HS6ST2: variants seen among roughly 807,000 people sequenced by gnomAD.
The protein encoded by HS6ST2 is heparan-sulfate 6-O-sulfotransferase 2.
In HS6ST2, 17 loss-of-function variants were observed where a neutral mutation model predicts 33.0. The ratio of observed to expected loss-of-function variants is 0.52; its 90% CI spans 0.35 to 0.77. The LOEUF (loss-of-function observed/expected upper bound fraction) is 0.77, where lower values mean the gene tolerates loss of function less well. Among genes scored for constraint, HS6ST2 ranks in the 30% least tolerant of loss-of-function variants. HS6ST2 has a pLI of 0.01. For synonymous variants in HS6ST2, 248 were observed against 237.1 expected, an observed-to-expected ratio of 1.05 and a Z score of -0.42; for missense variants, 519 against 551.7, an observed-to-expected ratio of 0.94 and a Z score of 0.59.
chrX:132,850,741 C>CACACACAA (rs1322794987), intron 2 of HS6ST2, among the ~76,000 whole-genome samples: 1 of 110,816 alleles, frequency 9.0e-6, no homozygotes, highest in Non-Finnish European at 1.9e-5. Context: ...TACACACACA[C>CACACACAA]ACACACACGC....
At chrX:132,946,444 A>G (rs920451708) in intron 2 of HS6ST2, among the ~76,000 whole-genome samples, 2 of 112,321 alleles carry the variant, frequency 1.8e-5, no homozygotes, top group African/African-American at 6.5e-5. Context: ...AGCCATAAAA[A>G]GGATGAGTTC....
Position 132,636,327 on chromosome X carries a change from C to A in HS6ST2, c.1068-7234G>T, listed in dbSNP as rs1040020125. On this transcript the variant is annotated intron_variant, in intron 4 of 4. Transcript: ENST00000370833. Reference sequence around the variant, plus strand: ...ATACCATTTTATACCTGTAATGGAGCATTTTAAGGAGATGTAGCTGTGAAG... The same window carrying A: ...ATACCATTTTATACCTGTAATGGAGAATTTTAAGGAGATGTAGCTGTGAAG... 2.7e-5 allele frequency among the ~76,000 whole-genome samples: 3 copies of A among 111,615 alleles called. No homozygotes were observed. In the Admixed American group the frequency reaches 2.9e-4, roughly 11 times the overall value.
At chrX:132,876,839 C>G (rs1285153153) in intron 2 of HS6ST2, among the ~76,000 whole-genome samples, 11 of 112,104 alleles carry the variant, frequency 9.8e-5, no homozygotes, top group Non-Finnish European at 1.9e-4. Context: ...ATACAGATAA[C>G]ACCTTCAAGT....
chrX:132,695,250 G>A (rs751851879), intron 3 of HS6ST2, among the ~76,000 whole-genome samples: 5 of 111,803 alleles, frequency 4.5e-5, no homozygotes, highest in Non-Finnish European at 9.4e-5. Context: ...TCCTGGAAGA[G>A]TAAGGCTTCC....
At chrX:132,912,694 T>A (rs932671064) in intron 2 of HS6ST2, among the ~76,000 whole-genome samples, 10 of 112,176 alleles carry the variant, frequency 8.9e-5, no homozygotes, top group African/African-American at 2.6e-4. Context: ...TGGGGCTCTA[T>A]TCTGCTTTTG....
chrX:132,792,734 T>G (rs935939565), intron 2 of HS6ST2, among the ~76,000 whole-genome samples: 16 of 112,001 alleles, frequency 1.4e-4, no homozygotes, highest in Non-Finnish European at 3.0e-4. Context: ...TAATATTTCA[T>G]ATAAATGGAA....
rs2063487892 is a variant in HS6ST2, at chrX:132,627,552, A to C, written c.*671T>G. 8.9e-6 allele frequency: 1 copy of C among 112,640 alleles called. No homozygotes were observed. The allele number at this position is 112,640 out of a possible 1,213,427, so 9.3% of individuals were successfully genotyped here. Reference sequence around the variant, plus strand: ...GAGATACACCCTGTGTAAAACCTTTAAACAGTAGAAGGTAGAAAAAGTTTA... The same window carrying C: ...GAGATACACCCTGTGTAAAACCTTTCAACAGTAGAAGGTAGAAAAAGTTTA... On this transcript the variant is annotated 3_prime_UTR_variant, in exon 5 of 5. Transcript: ENST00000370833.
intron 2 of HS6ST2, among the ~76,000 whole-genome samples, chrX:132,858,432 C>T (rs768364867): frequency 8.9e-6 from 1 of 112,187 alleles, no homozygotes; most frequent in Non-Finnish European, 1.9e-5. Context: ...TTTCAAAGTG[C>T]TTTCAGTTTG....
In HS6ST2 at chrX:132,806,421, G is replaced by A. The variant is rs1347649360; in HGVS notation, c.948-97927C>T. ...AATCACTCTCCACACAGAAACACAC[G>A]CAGTCAGAGTTTTGGAATAACAGTG... On this transcript the variant is annotated intron_variant, in intron 2 of 4. Transcript: ENST00000370833. Among the ~76,000 whole-genome samples, 2 of 109,130 alleles carry A rather than the reference G, an allele frequency of 1.8e-5. 1 individual carries two copies. Among genetic ancestry groups the A allele is most frequent in the Non-Finnish European group, 3.9e-5 (2 of 51,914 alleles). The allele number at this position is 109,130 out of a possible 115,157, so 94.8% of individuals were successfully genotyped here.
chrX:132,787,182 TATATAC>T lies in HS6ST2; in HGVS notation c.948-78694_948-78689del, dbSNP rs1205191553. Among the ~76,000 whole-genome samples the T allele has an allele frequency of 0.01, 824 of 81,749 alleles. 27 individuals are homozygous for T. In the East Asian group the frequency reaches 0.11, roughly 11 times the overall value. The allele number at this position is 81,749 out of a possible 115,157, so 71.0% of individuals were successfully genotyped here. On this transcript the variant is annotated intron_variant, in intron 2 of 4. Coordinates refer to ENST00000370833, the MANE Select transcript of HS6ST2 (RefSeq NM_001394073.1). ...ATATATATATGTATATATATATATA[TATATAC>T]ATATATATATACACATATATATATA... is the stretch of plus-strand genomic sequence containing the variant.
intron 2 of HS6ST2, among the ~76,000 whole-genome samples, chrX:132,809,304 T>C (rs1569493377): frequency 8.9e-6 from 1 of 112,448 alleles, no homozygotes; most frequent in South Asian, 3.7e-4. Context: ...ATTCATTTTT[T>C]AAACAAGCCC....
intron 3 of HS6ST2, among the ~76,000 whole-genome samples, chrX:132,674,401 T>C (rs1173324017): frequency 8.9e-6 from 1 of 111,957 alleles, no homozygotes; most frequent in Non-Finnish European, 1.9e-5. Context: ...AGGTAAACCA[T>C]TCACAATGAA....
intron 2 of HS6ST2, among the ~76,000 whole-genome samples, chrX:132,911,137 G>A (rs1334029135): frequency 6.5e-5 from 5 of 76,481 alleles, no homozygotes; most frequent in Non-Finnish European, 9.7e-5. Context: ...GTGACAGAGC[G>A]AGACGCTATC....
intron 2 of HS6ST2, among the ~76,000 whole-genome samples, chrX:132,773,194 A>C (rs1394845805): frequency 3.9e-5 from 4 of 101,554 alleles, no homozygotes; most frequent in Non-Finnish European, 7.8e-5. Flanking sequence ...CATATTATAA[A>C]TATGTAATAT....
chrX:132,850,068 A>G (rs1223777671), intron 2 of HS6ST2, among the ~76,000 whole-genome samples: 1 of 112,432 alleles, frequency 8.9e-6, no homozygotes, highest in Non-Finnish European at 1.9e-5. Context: ...TTTCTACATC[A>G]AGATGAGTTG....
chrX:132,958,673 C>T, upstream of HS6ST2: 1 of 977,220 alleles, frequency 1.0e-6, no homozygotes. Flanking sequence ...ATGCCTCACG[C>T]CTAAGAGCTC....
chrX:132,708,603 A>C (rs1464567578), intron 2 of HS6ST2, 109 bp from the exon 3 acceptor site: 3 of 684,433 alleles, frequency 4.4e-6, no homozygotes, highest in Non-Finnish European at 4.5e-6. Context: ...CCAGCTTCCC[A>C]AACCTTAGGG....
chrX:132,634,167 C>A (rs181236502), intron 4 of HS6ST2, among the ~76,000 whole-genome samples: 1 of 112,303 alleles, frequency 8.9e-6, no homozygotes, highest in Admixed American at 9.4e-5. Flanking sequence ...ATATCTTCAC[C>A]ATACTTTCCT....
intron 2 of HS6ST2, among the ~76,000 whole-genome samples, chrX:132,954,975 C>T (rs151216336): frequency 0.011 from 1,282 of 111,732 alleles, 8 homozygotes; most frequent in South Asian, 0.053. Flanking sequence ...ATACTCTGAC[C>T]TACATGTTCA....
Sources: gnomAD v4.1 joint callset for allele counts (sites outside exome capture counted in the v4.1 genomes callset) on GRCh38, gnomAD v4.1.1 for gene constraint, MANE v1.5 for transcripts, NCBI Gene and HGNC (gene_info 2026-07-23, HGNC 2026-07-21) for gene names.